LRRC3B: variants seen among roughly 807,000 people sequenced by gnomAD.
LRRC3B encodes leucine-rich repeat-containing protein 3B.
In LRRC3B, 2 loss-of-function variants were observed where a neutral mutation model predicts 12.8. The ratio of observed to expected loss-of-function variants is 0.16; its 90% confidence interval spans 0.06 to 0.49. The LOEUF is 0.49. Ranked by LOEUF, LRRC3B falls within the 20% of genes least tolerant of loss-of-function variation. LRRC3B has a pLI of 0.96. For missense variants in LRRC3B, 189 were observed against 319.4 expected, an observed-to-expected ratio of 0.59 and a Z score of 3.11; for synonymous variants, 132 against 122.0, an observed-to-expected ratio of 1.08 and a Z score of -0.54.
chr3:26,637,615 A>C (rs1021511215), intron 1 of LRRC3B, among the ~76,000 whole-genome samples: 2 of 152,206 alleles, frequency 1.3e-5, no homozygotes, highest in Non-Finnish European at 2.9e-5. Context: ...GTGGATATTC[A>C]GGGTCCTAGA....
intron 1 of LRRC3B, among the ~76,000 whole-genome samples, chr3:26,670,725 G>A (rs1444324787): frequency 6.6e-6 from 1 of 152,108 alleles, no homozygotes. Flanking sequence ...TAACCTCTGT[G>A]TGTCTCAATT....
intron 1 of LRRC3B, among the ~76,000 whole-genome samples, chr3:26,688,122 C>T (rs865952517): frequency 6.6e-5 from 10 of 152,066 alleles, no homozygotes; most frequent in African/African-American, 1.7e-4. Context: ...AGAAAAGGGA[C>T]GAACCTATAA....
chr3:26,684,422 C>T (rs1432336853), intron 1 of LRRC3B, among the ~76,000 whole-genome samples: 5 of 152,210 alleles, frequency 3.3e-5, no homozygotes, highest in African/African-American at 1.2e-4. Flanking sequence ...TCCTTTCTGA[C>T]AATTTCTGGT....
rs535398259 is a variant in LRRC3B, at chr3:26,670,712, C to T, written c.-160-38801C>T. The stretch of plus-strand genomic sequence containing the variant: ...TTAACTGTGTGACCTTGAACAAGTT[C>T]CTTAACCTCTGTGTGTCTCAATTTC... On this transcript the variant is annotated intron_variant, in intron 1 of 1. Transcript: ENST00000396641. Among the ~76,000 whole-genome samples, 78 of 152,220 alleles carry T rather than the reference C, an allele frequency of 5.1e-4. No homozygotes were observed. The Middle Eastern group carries it at 0.014, about 27-fold the overall frequency.
At chr3:26,710,379 T>G (rs917994529) in exon 2 of LRRC3B, 6 of 1,613,866 alleles carry the variant, frequency 3.7e-6, no homozygotes, top group Non-Finnish European at 5.1e-6. Context: ...CGGAGACACC[T>G]CGAATACTTG....
intron 1 of LRRC3B, among the ~76,000 whole-genome samples, chr3:26,695,695 C>A (rs554710699): frequency 6.6e-6 from 1 of 152,042 alleles, no homozygotes; most frequent in Non-Finnish European, 1.5e-5. Context: ...CATAGTGGAC[C>A]ATTTCTAAGA....
At chr3:26,622,986 C>G (rs1486028379) in exon 1 of LRRC3B, 1 of 151,282 alleles carries the variant, frequency 6.6e-6, no homozygotes. Context: ...TGGCGGCGCC[C>G]GAAGACGCCA....
intron 1 of LRRC3B, among the ~76,000 whole-genome samples, chr3:26,646,573 C>T (rs1000117309): frequency 7.2e-6 from 1 of 138,540 alleles, no homozygotes; most frequent in Non-Finnish European, 1.5e-5. Context: ...GATTCTTCAG[C>T]CCAGAGGCCA....
chr3:26,653,709 G>A (rs1699312087), intron 1 of LRRC3B, among the ~76,000 whole-genome samples: 1 of 152,146 alleles, frequency 6.6e-6, no homozygotes, highest in Non-Finnish European at 1.5e-5. Context: ...GTACGGCTCA[G>A]GACCAGGTGT....
intron 1 of LRRC3B, among the ~76,000 whole-genome samples, chr3:26,655,785 G>A (rs1196433339): frequency 6.6e-6 from 1 of 152,088 alleles, no homozygotes; most frequent in Non-Finnish European, 1.5e-5. Context: ...AATGTCTACT[G>A]GTTACTAAGT....
At position 26,631,891 on chromosome 3, in the gene LRRC3B, A is replaced by T. The variant is rs139347014; in HGVS notation, c.-161+8654A>T. Among the ~76,000 whole-genome samples, 362 of 151,346 alleles carry T rather than the reference A, an allele frequency of 2.4e-3. 2 individuals carry two copies. The highest frequency in any genetic ancestry group is 8.4e-3 in the African/African-American group (342 of 40,672). On this transcript the variant is annotated intron_variant, in intron 1 of 1. Transcript: ENST00000396641. ...ATGGTTTCTAAAATCCCTTTCAGTT[A>T]TATGGGTTTATAATGTCAAGGATGT...
intron 1 of LRRC3B, among the ~76,000 whole-genome samples, chr3:26,684,652 T>G (rs564383998): frequency 6.6e-6 from 1 of 152,266 alleles, no homozygotes; most frequent in South Asian, 2.1e-4. Context: ...GGGGCCAAAC[T>G]TGTCCTTTTT....
At chr3:26,697,974 G>A (rs541840003) in intron 1 of LRRC3B, among the ~76,000 whole-genome samples, 2 of 152,180 alleles carry the variant, frequency 1.3e-5, no homozygotes, top group Admixed American at 6.5e-5. Flanking sequence ...TCTGAACGTG[G>A]ATCCCTCTTG....
intron 1 of LRRC3B, among the ~76,000 whole-genome samples, chr3:26,676,169 G>A (rs1232552934): frequency 6.6e-6 from 1 of 151,376 alleles, no homozygotes; most frequent in Non-Finnish European, 1.5e-5. Context: ...TGCCATGTTG[G>A]TGTGCTGCAC....
At chr3:26,627,547 G>A (rs1006568074) in intron 1 of LRRC3B, among the ~76,000 whole-genome samples, 13 of 152,078 alleles carry the variant, frequency 8.5e-5, no homozygotes, top group African/African-American at 3.1e-4. Flanking sequence ...AGATGGAGGT[G>A]AGGCTTGGCT....
At chr3:26,690,105 A>C (rs1397676131) in intron 1 of LRRC3B, among the ~76,000 whole-genome samples, 1 of 152,228 alleles carries the variant, frequency 6.6e-6, no homozygotes, top group African/African-American at 2.4e-5. Context: ...TACCTGACCA[A>C]AAACAGGTTT....
chr3:26,651,372 CCA>C (rs1699261036), intron 1 of LRRC3B, among the ~76,000 whole-genome samples: 2 of 152,134 alleles, frequency 1.3e-5, no homozygotes, highest in South Asian at 4.1e-4. Flanking sequence ...ATCATTTTTA[CCA>C]CAGTTTGTTT....
chr3:26,696,032 G>C (rs1234303631), intron 1 of LRRC3B, among the ~76,000 whole-genome samples: 2 of 152,184 alleles, frequency 1.3e-5, no homozygotes, highest in Non-Finnish European at 2.9e-5. Flanking sequence ...TGTAGACCAG[G>C]AATGGAATAA....
chr3:26,652,474 C>A (rs1037333551), intron 1 of LRRC3B, among the ~76,000 whole-genome samples: 1 of 152,156 alleles, frequency 6.6e-6, no homozygotes, highest in Non-Finnish European at 1.5e-5. Context: ...TAACTAAATG[C>A]AAGTCTGCAG....
Sources: gnomAD v4.1 joint callset for allele counts (sites outside exome capture counted in the v4.1 genomes callset) on GRCh38, gnomAD v4.1.1 for gene constraint, MANE v1.5 for transcripts, NCBI Gene and HGNC (gene_info 2026-07-23, HGNC 2026-07-21) for gene names.